DACT3: variants seen among roughly 807,000 people sequenced by gnomAD.
The protein encoded by DACT3 is dapper homolog 3.
Under a neutral mutation model 19.6 loss-of-function variants are expected in DACT3, and 5 were observed. The ratio of observed to expected loss-of-function variants is 0.26; its 90% CI spans 0.13 to 0.54. The LOEUF (loss-of-function observed/expected upper bound fraction) is 0.54, where lower values mean the gene tolerates loss of function less well. Ranked by LOEUF, DACT3 falls within the 20% of genes least tolerant of loss-of-function variation. The probability of loss-of-function intolerance (pLI) is 0.95; values close to 1 mark genes in which losing one functional copy is unlikely to be tolerated. For missense variants in DACT3, 908 were observed against 927.4 expected (o/e 0.98, Z 0.27); for synonymous variants, 454 against 428.1 (o/e 1.06, Z -0.75).
chr19:46,649,026 C>T lies in DACT3; in HGVS notation c.1346G>A (p.Arg449Gln), dbSNP rs1474222792. 4 of 1,271,536 alleles carry T rather than the reference C, an allele frequency of 3.1e-6. No individual in the cohort carries two copies. The Admixed American group carries it at 1.3e-4, about 41-fold the overall frequency. The allele number at this position is 1,271,536 out of a possible 1,614,324, so 78.8% of individuals were successfully genotyped here. A position where few individuals can be genotyped will look rare whatever the true frequency, so the allele number is the denominator to read the frequency against. ...SGPPKYPTAE[R>Q]EEPRPPRPRR... is the part of the protein sequence containing the mutation. ...TGGCCGTGGAGGCCGAGGCTCTTCCCGCTCCGCCGTGGGGTACTTAGGGGG... is the reference window on the plus strand; with the variant it reads ...TGGCCGTGGAGGCCGAGGCTCTTCCTGCTCCGCCGTGGGGTACTTAGGGGG... The change falls in exon 4 of 4, where the codon CGG (arginine) becomes CAG (glutamine). Residue 449 changes from arginine to glutamine, a missense_variant. This residue lies in a region of DACT3 where 656 missense variants were observed against 601.8 expected (regional missense o/e 1.09). Transcript: ENST00000391916.
At chr19:46,658,951 C>G (rs181498764) in intron 1 of DACT3, among the ~76,000 whole-genome samples, 2 of 152,304 alleles carry the variant, frequency 1.3e-5, no homozygotes, top group Non-Finnish European at 2.9e-5. Context: ...CTGCCACACC[C>G]CTGATCTTTA....
At chr19:46,658,509 G>C (rs1451412586) in intron 1 of DACT3, among the ~76,000 whole-genome samples, 4 of 152,196 alleles carry the variant, frequency 2.6e-5, no homozygotes, top group Non-Finnish European at 5.9e-5. Flanking sequence ...GCAGAAATTA[G>C]GGAGACAGAC....
At chr19:46,653,710 C>T (rs2053008813) in intron 1 of DACT3, among the ~76,000 whole-genome samples, 1 of 151,998 alleles carries the variant, frequency 6.6e-6, no homozygotes, top group African/African-American at 2.4e-5. Context: ...CCCGCCACCA[C>T]GCCCAGATAA....
chr19:46,660,870 C>G lies in DACT3; in HGVS notation c.195G>C (p.Glu65Asp). Residue 65 changes from glutamate to aspartate, a missense_variant, in exon 1 of 4, where the codon GAG (glutamate) becomes GAC (aspartate). Glu to Asp is a conservative substitution (Grantham distance 45). Transcript: ENST00000391916. This position sits in a 1 kb window ranked among gnomAD's most constrained non-coding sequence, Gnocchi z 4.9. ...GGCGCGCCGCCGCCGCATCTTCATCCTCATCGGCGTCCTCCTCGTCCTCGG... is the reference window on the plus strand; with the variant it reads ...GGCGCGCCGCCGCCGCATCTTCATCGTCATCGGCGTCCTCCTCGTCCTCGG... The part of the protein sequence containing the change: ...AEAEDEEDAD[E>D]DEDAAAARRA... The G allele has an allele frequency of 6.5e-7, 1 of 1,532,136 alleles. No homozygotes were observed. Among genetic ancestry groups the G allele is most frequent in the Middle Eastern group, 1.7e-4 (1 of 5,966 alleles). 94.9% of individuals were successfully genotyped at this position (1,532,136 alleles called of 1,614,324 possible). A position where few individuals can be genotyped will look rare whatever the true frequency, so the allele number is the denominator to read the frequency against.
rs1389453558 is a variant in DACT3, at chr19:46,649,336, G to A, written c.1036C>T (p.Pro346Ser). 1 of 1,244,688 alleles carries A rather than the reference G, an allele frequency of 8.0e-7. No individual in the cohort carries two copies. The highest frequency in any genetic ancestry group is 1.0e-6 in the Non-Finnish European group (1 of 992,252). The allele number at this position is 1,244,688 out of a possible 1,614,324, so 77.1% of individuals were successfully genotyped here. A position where few individuals can be genotyped will look rare whatever the true frequency, so the allele number is the denominator to read the frequency against. Residue 346 changes from proline (P) to serine (S), a missense_variant, in exon 4 of 4, where the codon CCC becomes TCC. By Grantham distance (74) the Pro-to-Ser change is moderately conservative (BLOSUM62 -1). Coordinates refer to ENST00000391916, the MANE Select transcript of DACT3 (RefSeq NM_145056.3). The part of the protein sequence containing the change: ...PAAPPAAPSP[P>S]DSPAEGRLVK... ...AAGCGGCCCTCAGCCGGGCTGTCGG[G>A]GGGTGAGGGGGCGGCGGGCGGCGCA...
chr19:46,654,709 C>T (rs1568698218), intron 1 of DACT3: 6 of 985,356 alleles, frequency 6.1e-6, no homozygotes, highest in Non-Finnish European at 4.8e-6. Context: ...CAGACAAAAG[C>T]GGCTTGTCTG....
chr19:46,659,972 G>A (rs2053062885), intron 1 of DACT3, among the ~76,000 whole-genome samples: 1 of 152,188 alleles, frequency 6.6e-6, no homozygotes, highest in Non-Finnish European at 1.5e-5. Context: ...AAGTCACAGG[G>A]ATGTGGCAGG....
At chr19:46,652,468 C>T (rs1026141773) in intron 3 of DACT3, 192 bp downstream of exon 3, 17 of 678,942 alleles carry the variant, frequency 2.5e-5, no homozygotes, top group Admixed American at 2.1e-4. Context: ...CGTGAGCCAC[C>T]GCACCCAGCC....
intron 3 of DACT3, chr19:46,651,061 T>TTATC (rs1204616706): frequency 7.0e-5 from 9 of 129,496 alleles, no homozygotes; most frequent in Admixed American, 4.2e-4. Flanking sequence ...GTTTATTTAT[T>TTATC]TATCTATTTA....
chr19:46,659,343 G>C, intron 1 of DACT3: 1 of 945,972 alleles, frequency 1.1e-6, no homozygotes, highest in South Asian at 4.9e-5. Flanking sequence ...CTGAAGGGCA[G>C]AGATGGGGAA....
Position 46,648,364 on chromosome 19 carries a change from G to A in DACT3, c.*118C>T. The A allele has an allele frequency of 6.5e-7, 1 of 1,535,816 alleles. No homozygotes were observed. Among genetic ancestry groups the A allele is most frequent in the East Asian group, 2.3e-5 (1 of 44,234 alleles). On this transcript the variant is annotated 3_prime_UTR_variant, in exon 4 of 4. Transcript: ENST00000391916. This position sits in a 1 kb window ranked among gnomAD's most constrained non-coding sequence, Gnocchi z 5.1. ...GACTGTTAGGAGTGGGGAGAGTGAG[G>A]GGGGTCTTTGGAAGCAGAGAAAACG... is the stretch of plus-strand genomic sequence containing the variant.
chr19:46,653,748 T>C (rs2053009089), intron 1 of DACT3, among the ~76,000 whole-genome samples: 1 of 151,906 alleles, frequency 6.6e-6, no homozygotes, highest in African/African-American at 2.4e-5. Flanking sequence ...GAGGCAGGGT[T>C]TCACCATGTT....
At chr19:46,654,254 AG>A (rs1380645968) in intron 1 of DACT3, 1 of 963,574 alleles carries the variant, frequency 1.0e-6, no homozygotes, top group African/African-American at 1.8e-5. Flanking sequence ...TGGGAGGCCG[AG>A]GCGGGCGGAT....
rs2052962907 is a variant in DACT3, at chr19:46,649,733, C to A, written c.639G>T (p.Gly213=). ...GCAGGGGGCTGGGCGTCAGAAAGGG[C>A]CCGGCGCGGGCCCGCCGCTCCGCCG... is the stretch of plus-strand genomic sequence containing the variant. ...CSSAERRARA[G]PFLTPSPLHA... The change falls in exon 4 of 4, where the codon GGG becomes GGT. Residue 213 remains glycine (G), a synonymous_variant. Coordinates refer to ENST00000391916, the MANE Select transcript of DACT3 (RefSeq NM_145056.3). 1.6e-6 allele frequency: 2 copies of A among 1,259,172 alleles called. No homozygotes were observed. Among genetic ancestry groups the A allele is most frequent in the Non-Finnish European group, 2.0e-6 (2 of 1,002,698 alleles). The allele number at this position is 1,259,172 out of a possible 1,614,324, so 78.0% of individuals were successfully genotyped here. A position where few individuals can be genotyped will look rare whatever the true frequency, so the allele number is the denominator to read the frequency against.
chr19:46,655,169 T>C, intron 1 of DACT3: 1 of 537,850 alleles, frequency 1.9e-6, no homozygotes, highest in Non-Finnish European at 2.4e-6. Context: ...CTCGGGAGAA[T>C]GTTTCCCCCA....
chr19:46,650,001 A>C, intron 3 of DACT3, 129 bp from the exon 4 acceptor site: 4 of 1,089,372 alleles, frequency 3.7e-6, no homozygotes, highest in Non-Finnish European at 4.7e-6. Context: ...CGCAGCAAAA[A>C]CCCTGCTCTC....
In DACT3 at chr19:46,648,452, T is replaced by C. The variant is rs2052939556; in HGVS notation, c.*30A>G. On this transcript the variant is annotated 3_prime_UTR_variant, in exon 4 of 4. Transcript: ENST00000391916. The surrounding 1 kb of genome is among the most constrained non-coding windows in gnomAD (Gnocchi z 5.1). ...TGGGAGTGTGGAGGTGCAGAGGCCA[T>C]GAAGGGGGAGCCCAAGCAAATCCCC... 3.1e-6 allele frequency: 5 copies of C among 1,613,502 alleles called. 1 individual carries two copies. Among genetic ancestry groups the C allele is most frequent in the Middle Eastern group, 1.6e-4 (1 of 6,062 alleles).
chr19:46,658,226 C>T (rs2053046628), intron 1 of DACT3, among the ~76,000 whole-genome samples: 1 of 128,558 alleles, frequency 7.8e-6, no homozygotes, highest in Admixed American at 8.0e-5. Context: ...GACCTCATAT[C>T]TTTAAAAAAA....
At chr19:46,652,921 G>A in intron 2 of DACT3, 58 bp downstream of exon 2, 4 of 1,545,580 alleles carry the variant, frequency 2.6e-6, no homozygotes, top group Non-Finnish European at 3.5e-6. Context: ...CTCAGAAATA[G>A]GGATACGGGG....
Sources: allele counts gnomAD v4.1 joint callset (sites outside exome capture counted in the v4.1 genomes callset), GRCh38; gene constraint gnomAD v4.1.1; regional missense constraint gnomAD v4.1.1; non-coding constraint Gnocchi (gnomAD v3.1); transcripts MANE v1.5; gene names NCBI Gene and HGNC (gene_info 2026-07-23, HGNC 2026-07-21).